The following MESP1 variants were observed in gnomAD, a reference collection of about 807,000 sequenced individuals.
MESP1 encodes mesoderm posterior protein 1.
Under a neutral mutation model 15.2 loss-of-function variants are expected in MESP1, and 22 were observed. The observed-to-expected ratio is 1.45, with a 90% CI of 1.04 to 2.07. The LOEUF (loss-of-function observed/expected upper bound fraction) is 2.07, where lower values mean the gene tolerates loss of function less well. MESP1 is among the 30% of genes most tolerant of loss of function. MESP1 has a pLI of 0.00. For synonymous variants in MESP1, 216 were observed against 192.6 expected, an observed-to-expected ratio of 1.12 and a Z score of -1.01; for missense variants, 484 against 411.9, an observed-to-expected ratio of 1.17 and a Z score of -1.51.
chr15:89,750,164 GC>G lies in MESP1; in HGVS notation c.786del (p.Trp262CysfsTer17). Reference sequence around the variant, plus strand: ...CCTTGTCACTTGGGCTCCTCAGGCAGCCACTCCAGAGGCGAGAGGGGCATCC... The same window carrying G: ...CCTTGTCACTTGGGCTCCTCAGGCAGCACTCCAGAGGCGAGAGGGGCATCC... ...ETWMPLSPLEWLPEEPK is the reference protein window; with the variant it reads ...ETWMPLSPLEXLPEEPK On this transcript the variant is annotated frameshift_variant, in exon 2 of 2. Transcript: ENST00000300057. LOFTEE classifies it high-confidence loss of function. 1 of 1,614,052 alleles carries G rather than the reference GC, an allele frequency of 6.2e-7. No individual in the cohort carries two copies. The highest frequency in any genetic ancestry group is 8.5e-7 in the Non-Finnish European group (1 of 1,180,008).
chr15:89,750,476 G>T, intron 1 of MESP1, 33 bp downstream of exon 1: 1 of 1,480,824 alleles, frequency 6.8e-7, no homozygotes, highest in South Asian at 1.4e-5. Flanking sequence ...GCGGGGGCAC[G>T]GACGAAGGGG....
At chr15:89,743,076 C>A in the MESP1 span, among the ~76,000 whole-genome samples, 2 of 152,208 alleles carry the variant, frequency 1.3e-5, no homozygotes, top group East Asian at 3.8e-4. Flanking sequence ...CCCACATGCA[C>A]CTCACAGGTA....
the MESP1 span, among the ~76,000 whole-genome samples, chr15:89,742,047 G>A: frequency 1.3e-5 from 2 of 150,818 alleles, no homozygotes; most frequent in Admixed American, 6.6e-5. Flanking sequence ...CATCACACCC[G>A]GCCTCCAATA....
At chr15:89,733,281 A>T in the MESP1 span, 1 of 1,513,148 alleles carries the variant, frequency 6.6e-7, no homozygotes, top group African/African-American at 1.4e-5. Flanking sequence ...TTGCTATTTG[A>T]TAGTAAAATC....
At chr15:89,743,515 G>C in the MESP1 span, 1 of 883,372 alleles carries the variant, frequency 1.1e-6, no homozygotes, top group Non-Finnish European at 1.8e-6. Flanking sequence ...TCGGAGTCTG[G>C]GGCCTCTGCA....
chr15:89,735,902 C>T, the MESP1 span, among the ~76,000 whole-genome samples: 1 of 152,068 alleles, frequency 6.6e-6, no homozygotes, highest in Non-Finnish European at 1.5e-5. Flanking sequence ...CTGAGCTGAG[C>T]CAGAGGAGTT....
chr15:89,740,500 TG>T, the MESP1 span, among the ~76,000 whole-genome samples: 1 of 151,498 alleles, frequency 6.6e-6, no homozygotes, highest in African/African-American at 2.4e-5. Context: ...TTTTGTTTTT[TG>T]TTTTTGTTTT....
chr15:89,747,320 G>A (rs1480106854), downstream of MESP1, among the ~76,000 whole-genome samples: 6 of 152,174 alleles, frequency 3.9e-5, no homozygotes, highest in Non-Finnish European at 8.8e-5. Context: ...CTTGCCAGCG[G>A]CCCTGAGCCC....
chr15:89,746,859 C>CCCTGCCGCCA (rs1567139298), downstream of MESP1, among the ~76,000 whole-genome samples: 137 of 106,886 alleles, frequency 1.3e-3, 10 homozygotes, highest in African/African-American at 4.7e-3. Context: ...AGCCCTGCCG[C>CCCTGCCGCCA]CACACACACA....
At chr15:89,744,350 G>A in the MESP1 span, among the ~76,000 whole-genome samples, 10 of 152,252 alleles carry the variant, frequency 6.6e-5, no homozygotes, top group Admixed American at 6.5e-4. Flanking sequence ...AGACACTCTG[G>A]CCCTCTCCAC....
At chr15:89,735,604 C>G in the MESP1 span, 1 of 1,554,982 alleles carries the variant, frequency 6.4e-7, no homozygotes, top group African/African-American at 1.4e-5. Context: ...CATTTCTCTT[C>G]TGTGAATGTG....
At chr15:89,733,264 A>T in the MESP1 span, 1 of 1,564,420 alleles carries the variant, frequency 6.4e-7, no homozygotes, top group African/African-American at 1.4e-5. Flanking sequence ...TGGCCAGATT[A>T]TTTTAATTGC....
chr15:89,750,435 G>T, intron 1 of MESP1, 74 bp downstream of exon 1: 1 of 1,463,130 alleles, frequency 6.8e-7, no homozygotes, highest in South Asian at 1.4e-5. Context: ...AGGGTGCCTG[G>T]TCCTCACCTT....
chr15:89,751,074 G>C lies in MESP1; in HGVS notation c.158C>G (p.Ala53Gly), dbSNP rs776457563. ...GAGGGTGCCTGGCCGCGCGGGGCTC[G>C]CCACGGGGCTGTCGGCTGGGGTGCT... is the stretch of plus-strand genomic sequence containing the variant. ...WGSTPADSPV[A>G]SPARPGTLRD... The change falls in exon 1 of 2, where the codon GCG becomes GGG. Residue 53 changes from alanine to glycine, a missense_variant. Coordinates refer to ENST00000300057, the MANE Select transcript of MESP1 (RefSeq NM_018670.4). 2.3e-6 allele frequency: 3 copies of C among 1,322,026 alleles called. No homozygotes were observed. Among genetic ancestry groups the C allele is most frequent in the Non-Finnish European group, 2.9e-6 (3 of 1,041,078 alleles). 81.9% of individuals were successfully genotyped at this position (1,322,026 alleles called of 1,614,324 possible).
chr15:89,744,404 G>C, the MESP1 span, among the ~76,000 whole-genome samples: 1 of 152,228 alleles, frequency 6.6e-6, no homozygotes, highest in Non-Finnish European at 1.5e-5. Context: ...ATACCTGTTG[G>C]CAGTAATTCC....
downstream of MESP1, chr15:89,749,269 T>C (rs1013701392): frequency 6.6e-6 from 1 of 152,214 alleles, no homozygotes; most frequent in Non-Finnish European, 1.5e-5. Context: ...CCATTATTTA[T>C]GTCTCTAAGC....
At chr15:89,735,688 A>C in the MESP1 span, 2 of 871,422 alleles carry the variant, frequency 2.3e-6, no homozygotes, top group Non-Finnish European at 3.6e-6. Flanking sequence ...TCGGGTTTAC[A>C]AATAGAAAGA....
chr15:89,740,570 C>A, the MESP1 span, among the ~76,000 whole-genome samples: 1 of 152,128 alleles, frequency 6.6e-6, no homozygotes, highest in African/African-American at 2.4e-5. Context: ...GGCGCGATCT[C>A]GGCTCACTGC....
the MESP1 span, among the ~76,000 whole-genome samples, chr15:89,743,913 G>A: frequency 1.1e-4 from 17 of 152,342 alleles, no homozygotes; most frequent in Admixed American, 2.6e-4. Context: ...ACACAGGTAC[G>A]AGAGGCAGAG....
Sources: allele counts gnomAD v4.1 joint callset (sites outside exome capture counted in the v4.1 genomes callset), GRCh38; gene constraint gnomAD v4.1.1; transcripts MANE v1.5; gene names NCBI Gene and HGNC (gene_info 2026-07-23, HGNC 2026-07-21).